The following IKZF2 variants were observed in gnomAD, a reference collection of about 807,000 sequenced individuals.
The protein encoded by IKZF2 is zinc finger protein Helios.
A neutral mutation model predicts 49.2 loss-of-function variants in IKZF2; 15 were observed. That is an observed-to-expected ratio of 0.30 (90% confidence interval 0.20 to 0.47). IKZF2 has a LOEUF of 0.47. Ranked by LOEUF, IKZF2 falls within the 20% of genes least tolerant of loss-of-function variation. IKZF2 has a pLI of 1.00. For missense variants in IKZF2, 567 were observed against 664.6 expected, an observed-to-expected ratio of 0.85 and a Z score of 1.61; for synonymous variants, 227 against 221.4, an observed-to-expected ratio of 1.03 and a Z score of -0.23.
Position 213,007,335 on chromosome 2 carries a change from G to A in IKZF2, c.*25C>T, listed in dbSNP as rs1375706549. On this transcript the variant is annotated 3_prime_UTR_variant, in exon 9 of 9. Coordinates refer to ENST00000434687, the MANE Select transcript of IKZF2 (RefSeq NM_001387220.1). The stretch of plus-strand genomic sequence containing the variant: ...TTCATGTGCAGTTCTTTACTTCATA[G>A]GGGTCCCCTTTGGAATGAAAAGGCC... 1.7e-5 allele frequency: 27 copies of A among 1,604,472 alleles called. No individual in the cohort carries two copies. The highest frequency in any genetic ancestry group is 2.2e-5 in the Non-Finnish European group (26 of 1,175,552).
intron 4 of IKZF2, among the ~76,000 whole-genome samples, chr2:213,083,929 C>G (rs906274888): frequency 4.6e-5 from 7 of 151,850 alleles, no homozygotes; most frequent in African/African-American, 1.7e-4. Context: ...ACAAAGTGCA[C>G]AATAAATGTA....
rs1420047942 is a variant in IKZF2 at position 213,001,185 on chromosome 2, A to G, written c.*6175T>C. Reference sequence around the variant, plus strand: ...AGAAGCAATCATTCTGGGATTGCAAATAACACATGGTCTAAAAGGTCCAAC... The same window carrying G: ...AGAAGCAATCATTCTGGGATTGCAAGTAACACATGGTCTAAAAGGTCCAAC... On this transcript the variant is annotated 3_prime_UTR_variant, in exon 9 of 9. Coordinates refer to ENST00000434687, the MANE Select transcript of IKZF2 (RefSeq NM_001387220.1). 6.6e-6 allele frequency: 1 copy of G among 152,014 alleles called. No individual in the cohort carries two copies. The highest frequency in any genetic ancestry group is 1.5e-5 in the Non-Finnish European group (1 of 67,632). The allele number at this position is 152,014 out of a possible 1,614,324, so 9.4% of individuals were successfully genotyped here.
At chr2:213,014,789 A>G (rs1382474094) in intron 7 of IKZF2, 4 of 152,138 alleles carry the variant, frequency 2.6e-5, no homozygotes, top group Non-Finnish European at 1.5e-5. Flanking sequence ...TTAATTAAGG[A>G]TAGGGTAACA....
At chr2:213,150,978 T>C (rs2061265817) in intron 1 of IKZF2, among the ~76,000 whole-genome samples, 1 of 151,690 alleles carries the variant, frequency 6.6e-6, no homozygotes, top group Admixed American at 6.6e-5. Flanking sequence ...TATTCCAGCC[T>C]ACCCAATCTT....
intron 7 of IKZF2, among the ~76,000 whole-genome samples, chr2:213,019,606 T>C (rs1469452704): frequency 6.6e-6 from 1 of 152,172 alleles, no homozygotes; most frequent in African/African-American, 2.4e-5. Flanking sequence ...GAATGTAAAC[T>C]TATGTGGTTA....
chr2:213,140,446 T>C (rs1444053476), intron 4 of IKZF2, among the ~76,000 whole-genome samples: 1 of 151,984 alleles, frequency 6.6e-6, no homozygotes. Context: ...ATTCCTTAGC[T>C]ATTAATGTGG....
intron 4 of IKZF2, among the ~76,000 whole-genome samples, chr2:213,130,651 T>C (rs151105025): frequency 1.6e-3 from 242 of 152,324 alleles, no homozygotes; most frequent in Middle Eastern, 6.8e-3. Context: ...TTTTGGCACA[T>C]AAATGCATAT....
chr2:213,121,804 A>G (rs1481393044), intron 4 of IKZF2, among the ~76,000 whole-genome samples: 1 of 152,212 alleles, frequency 6.6e-6, no homozygotes, highest in Non-Finnish European at 1.5e-5. Context: ...GTTCCTTCTC[A>G]GTTTGGTTAG....
At chr2:213,077,721 G>A (rs1214614485) in intron 4 of IKZF2, among the ~76,000 whole-genome samples, 1 of 151,340 alleles carries the variant, frequency 6.6e-6, no homozygotes, top group Non-Finnish European at 1.5e-5. Flanking sequence ...CCAAGTAGCT[G>A]GGACTACAGG....
intron 4 of IKZF2, among the ~76,000 whole-genome samples, chr2:213,116,140 T>A (rs2059862782): frequency 6.6e-6 from 1 of 152,202 alleles, no homozygotes; most frequent in African/African-American, 2.4e-5. Flanking sequence ...TTAAACTCTT[T>A]CTTCGTTACA....
At chr2:213,110,446 CT>C (rs1559287142) in intron 4 of IKZF2, among the ~76,000 whole-genome samples, 1 of 150,960 alleles carries the variant, frequency 6.6e-6, no homozygotes, top group Non-Finnish European at 1.5e-5. Context: ...CTGCCCCTTC[CT>C]TTTTTTTAAT....
intron 6 of IKZF2, among the ~76,000 whole-genome samples, chr2:213,039,116 T>C (rs936221831): frequency 1.9e-4 from 29 of 152,052 alleles, no homozygotes; most frequent in Admixed American, 3.3e-4. Context: ...TAGTTTGAAA[T>C]TCTATTAAAG....
rs1163110062 is a variant in IKZF2 at position 213,048,416 on chromosome 2, A to G, written c.574+1297T>C. On this transcript the variant is annotated intron_variant, in intron 6 of 8. Coordinates refer to ENST00000434687, the MANE Select transcript of IKZF2 (RefSeq NM_001387220.1). ...ATATGTTCACGAAGATCTATTTGTT[A>G]TATAATGTTTGGACAACTCAATAAT... Among the ~76,000 whole-genome samples the G allele has an allele frequency of 2.0e-5, 3 of 152,100 alleles. No individual in the cohort carries two copies. The East Asian group carries it at 5.8e-4, about 29-fold the overall frequency.
rs1694800111 is a variant in IKZF2 at position 213,000,482 on chromosome 2, A to C, written c.*6878T>G. The C allele has an allele frequency of 6.6e-6, 1 of 151,818 alleles. No homozygotes were observed. The highest frequency in any genetic ancestry group is 2.1e-4 in the South Asian group (1 of 4,830). 9.4% of individuals were successfully genotyped at this position (151,818 alleles called of 1,614,324 possible). On this transcript the variant is annotated 3_prime_UTR_variant, in exon 9 of 9. Coordinates refer to ENST00000434687, the MANE Select transcript of IKZF2 (RefSeq NM_001387220.1). Reference sequence around the variant, plus strand: ...AAATGGCCAAGACACATACTGTACAAATGCAGAAATGCAGTAACTGCCTTT... The same window carrying C: ...AAATGGCCAAGACACATACTGTACACATGCAGAAATGCAGTAACTGCCTTT...
rs774544422 is a variant in IKZF2, at chr2:213,056,867, G to A, written c.372C>T (p.Pro124=). ...TCCTTTTATGTACCATAAGCACATT[G>A]GGCCCAATGCAAACCATGCCACAGA... ...CDVCGMVCIG[P]NVLMVHKRSH... is the part of the protein sequence containing the mutation. The change falls in exon 5 of 9, where the codon CCC becomes CCT. Residue 124 remains proline (P), a synonymous_variant. Transcript: ENST00000434687. The A allele has an allele frequency of 6.2e-7, 1 of 1,613,758 alleles. No homozygotes were observed. Among genetic ancestry groups the A allele is most frequent in the East Asian group, 2.2e-5 (1 of 44,842 alleles).
At chr2:213,138,956 A>G (rs1406234089) in intron 4 of IKZF2, among the ~76,000 whole-genome samples, 1 of 151,996 alleles carries the variant, frequency 6.6e-6, no homozygotes, top group Admixed American at 6.6e-5. Flanking sequence ...AGATATTAAG[A>G]ACTCTTAAAC....
intron 6 of IKZF2, among the ~76,000 whole-genome samples, chr2:213,033,918 G>T (rs928330769): frequency 1.3e-5 from 2 of 152,146 alleles, no homozygotes; most frequent in Non-Finnish European, 2.9e-5. Flanking sequence ...TCTAATAGAA[G>T]GCTGTTTTGT....
At chr2:213,100,294 A>T (rs1278889201) in intron 4 of IKZF2, among the ~76,000 whole-genome samples, 1 of 152,082 alleles carries the variant, frequency 6.6e-6, no homozygotes, top group Non-Finnish European at 1.5e-5. Flanking sequence ...ATTTCAAGGC[A>T]GACTGGTAAC....
At chr2:213,063,127 G>A (rs1014481638) in intron 4 of IKZF2, among the ~76,000 whole-genome samples, 5 of 151,984 alleles carry the variant, frequency 3.3e-5, no homozygotes, top group Admixed American at 1.3e-4. Flanking sequence ...TTTATAAACG[G>A]TGGGACATGT....
Sources: gnomAD v4.1 joint callset for allele counts (sites outside exome capture counted in the v4.1 genomes callset) on GRCh38, gnomAD v4.1.1 for gene constraint, MANE v1.5 for transcripts, NCBI Gene and HGNC (gene_info 2026-07-23, HGNC 2026-07-21) for gene names.